Variants in STX12 observed in about 807,000 individuals in gnomAD.
STX12 encodes the protein syntaxin 12.
STX12 carries 17 observed loss-of-function variants against 42.2 expected under a neutral mutation model. The ratio of observed to expected loss-of-function variants is 0.40; its 90% CI spans 0.28 to 0.60. The LOEUF (loss-of-function observed/expected upper bound fraction) is 0.60. STX12 is among the 20% of genes least tolerant of loss of function. The pLI is 0.39. For synonymous variants in STX12, 108 were observed against 116.7 expected, an observed-to-expected ratio of 0.93 and a Z score of 0.48; for missense variants, 297 against 330.9, an observed-to-expected ratio of 0.90 and a Z score of 0.79.
intron 7 of STX12, among the ~76,000 whole-genome samples, 184 bp from the exon 8 acceptor site, chr1:27,819,466 A>C (rs76399550): frequency 0.023 from 3,432 of 149,736 alleles, 111 homozygotes; most frequent in African/African-American, 0.081. Context: ...CATAGCCCCC[A>C]AAAATTCATT....
intron 6 of STX12, among the ~76,000 whole-genome samples, chr1:27,813,468 G>A (rs541245058): frequency 6.6e-6 from 1 of 152,288 alleles, no homozygotes; most frequent in Admixed American, 6.5e-5. Flanking sequence ...GAACCACTGT[G>A]CCCAGCTAAA....
intron 3 of STX12, among the ~76,000 whole-genome samples, chr1:27,800,306 G>A (rs945595884): frequency 6.6e-6 from 1 of 152,134 alleles, no homozygotes; most frequent in Non-Finnish European, 1.5e-5. Context: ...TTGGCCGCTT[G>A]AGTTCTTACT....
intron 1 of STX12, among the ~76,000 whole-genome samples, 162 bp downstream of exon 1, chr1:27,773,587 T>C (rs2088610380): frequency 6.6e-6 from 1 of 152,146 alleles, no homozygotes; most frequent in Admixed American, 6.5e-5. Flanking sequence ...CCCCAATCTG[T>C]CAGGCCCGGG....
At chr1:27,775,069 T>C (rs1429765601) in intron 1 of STX12, among the ~76,000 whole-genome samples, 16 of 152,224 alleles carry the variant, frequency 1.1e-4, no homozygotes, top group Admixed American at 1.0e-3. Flanking sequence ...AGTTTCCTTT[T>C]GTGAAGGAGC....
At chr1:27,813,337 G>A (rs1043211348) in intron 6 of STX12, among the ~76,000 whole-genome samples, 1 of 151,982 alleles carries the variant, frequency 6.6e-6, no homozygotes, top group Non-Finnish European at 1.5e-5. Context: ...CACCACACTC[G>A]GCTAATTTTT....
intron 3 of STX12, among the ~76,000 whole-genome samples, chr1:27,798,451 C>T (rs988641139): frequency 6.6e-6 from 1 of 151,718 alleles, no homozygotes; most frequent in Non-Finnish European, 1.5e-5. Flanking sequence ...TTGAGACCAG[C>T]CTGACCAACA....
chr1:27,780,408 A>G (rs1024426477), intron 1 of STX12, among the ~76,000 whole-genome samples: 3 of 151,446 alleles, frequency 2.0e-5, no homozygotes, highest in Non-Finnish European at 4.4e-5. Context: ...GGGTTTCACC[A>G]TGTTGGCCAG....
At chr1:27,785,252 T>C (rs2088691902) in intron 1 of STX12, among the ~76,000 whole-genome samples, 1 of 152,198 alleles carries the variant, frequency 6.6e-6, no homozygotes, top group Non-Finnish European at 1.5e-5. Context: ...TGGGTGTGTG[T>C]GTGTTGGGAG....
intron 1 of STX12, among the ~76,000 whole-genome samples, chr1:27,777,096 G>C (rs1213164477): frequency 6.6e-6 from 1 of 152,132 alleles, no homozygotes. Context: ...TGTGCGGGGG[G>C]AGTATGTATA....
chr1:27,811,243 C>T (rs537918896), intron 5 of STX12, among the ~76,000 whole-genome samples: 3 of 139,976 alleles, frequency 2.1e-5, no homozygotes, highest in Non-Finnish European at 3.0e-5. Context: ...CTCTTGAACC[C>T]GGGGGGCGGA....
chr1:27,773,755 G>A (rs1387845050), intron 1 of STX12: 1 of 253,162 alleles, frequency 4.0e-6, no homozygotes. Context: ...TTGGCGCAGT[G>A]GTCAGCCGAG....
In STX12 at chr1:27,822,548, T is replaced by C. The variant is rs1200958954; in HGVS notation, c.*219T>C. 8.8e-5 allele frequency: 38 copies of C among 433,306 alleles called. No homozygotes were observed. The Admixed American group carries it at 1.4e-3, about 16-fold the overall frequency. The allele number at this position is 433,306 out of a possible 1,614,324, so 26.8% of individuals were successfully genotyped here. ...TGATTTCTCAAATTAGGAATTAACT[T>C]ATGTGGATTTTGCTTCCTCTTGTAT... On this transcript the variant is annotated 3_prime_UTR_variant, in exon 9 of 9. Transcript: ENST00000373943.
At chr1:27,803,508 AAG>A (rs1388356908) in intron 4 of STX12, among the ~76,000 whole-genome samples, 2 of 152,206 alleles carry the variant, frequency 1.3e-5, no homozygotes, top group African/African-American at 4.8e-5. Context: ...TTTCAATCAA[AAG>A]AGAGTTTTCT....
Position 27,777,487 on chromosome 1 carries a change from G to T in STX12, c.118+4062G>T, listed in dbSNP as rs1557796790. On this transcript the variant is annotated intron_variant, in intron 1 of 8. Transcript: ENST00000373943. ...GATGCATAATAAATTGTATCAAATT[G>T]ATTTGAATGAATGAGGCATTTCTAC... 3.3e-5 allele frequency among the ~76,000 whole-genome samples: 5 copies of T among 152,178 alleles called. No individual in the cohort carries two copies. In the South Asian group the frequency reaches 1.0e-3, roughly 32 times the overall value.
intron 1 of STX12, among the ~76,000 whole-genome samples, chr1:27,783,495 G>C (rs2088681635): frequency 6.6e-6 from 1 of 152,096 alleles, no homozygotes; most frequent in South Asian, 2.1e-4. Context: ...CATCATGCCT[G>C]GCTAATTTTT....
At chr1:27,773,572 C>T in intron 1 of STX12, 147 bp downstream of exon 1, 2 of 687,392 alleles carry the variant, frequency 2.9e-6, no homozygotes, top group Non-Finnish European at 4.9e-6. Context: ...CGGTGGGCTG[C>T]CATCCCCCAA....
At chr1:27,798,437 G>T (rs577858571) in intron 3 of STX12, among the ~76,000 whole-genome samples, 1 of 151,878 alleles carries the variant, frequency 6.6e-6, no homozygotes, top group African/African-American at 2.4e-5. Flanking sequence ...CTGAGGTCAG[G>T]AGTTTGAGAC....
intron 4 of STX12, among the ~76,000 whole-genome samples, chr1:27,806,990 G>T (rs1038612239): frequency 1.8e-4 from 27 of 152,112 alleles, no homozygotes; most frequent in Non-Finnish European, 1.6e-4. Flanking sequence ...CGCACGTTGG[G>T]ATTACAATTC....
Position 27,773,265 on chromosome 1 carries a change from G to C in STX12, c.-43G>C, listed in dbSNP as rs772373447. ...CGGGTCCCGGCTGGCGGCTGCTTCC[G>C]GTAGGAGAGCGGTGTAGAGCGAGCA... On this transcript the variant is annotated 5_prime_UTR_variant, in exon 1 of 9. Transcript: ENST00000373943. The C allele has an allele frequency of 5.1e-6, 7 of 1,375,394 alleles. No homozygotes were observed. The highest frequency in any genetic ancestry group is 7.1e-6 in the Non-Finnish European group (7 of 987,036). The allele number at this position is 1,375,394 out of a possible 1,614,324, so 85.2% of individuals were successfully genotyped here. A position where few individuals can be genotyped will look rare whatever the true frequency, so the allele number is the denominator to read the frequency against.
Sources: gnomAD v4.1 joint callset for allele counts (sites outside exome capture counted in the v4.1 genomes callset) on GRCh38, gnomAD v4.1.1 for gene constraint, MANE v1.5 for transcripts, NCBI Gene and HGNC (gene_info 2026-07-23, HGNC 2026-07-21) for gene names.